KIAA1755: variants seen among roughly 807,000 people sequenced by gnomAD.
KIAA1755 encodes the protein uncharacterized protein KIAA1755.
KIAA1755 carries 68 observed loss-of-function variants against 91.7 expected under a neutral mutation model. That is an observed-to-expected ratio of 0.74 (90% CI 0.61 to 0.91). KIAA1755 has a LOEUF of 0.91. Ranked by LOEUF, KIAA1755 falls within the 40% of genes least tolerant of loss-of-function variation. The probability of loss-of-function intolerance (pLI) is 0.00; values close to 1 mark genes in which losing one functional copy is unlikely to be tolerated. For missense variants in KIAA1755, 1,535 were observed against 1,494.4 expected (o/e 1.03, Z -0.45); for synonymous variants, 610 against 604.6 (o/e 1.01, Z -0.13).
At position 38,241,446 on chromosome 20, in the gene KIAA1755, G is replaced by C; in HGVS notation, c.685C>G (p.Pro229Ala). ...QASSPDNQVL[P>A]AQSLAKGKGR... ...TTACCCTTGGCCAAACTCTGGGCAG[G>C]AAGCACCTGGTTGTCTGGGGAGCTG... The change falls in exon 3 of 14, where the codon CCT (proline) becomes GCT (alanine). Residue 229 changes from proline to alanine, a missense_variant. Coordinates refer to ENST00000279024, the MANE Select transcript of KIAA1755 (RefSeq NM_001029864.2). 4 of 1,614,248 alleles carry C rather than the reference G, an allele frequency of 2.5e-6. No individual in the cohort carries two copies. The East Asian group carries it at 8.9e-5, about 36-fold the overall frequency.
intron 1 of KIAA1755, among the ~76,000 whole-genome samples, chr20:38,256,385 A>G (rs1407389819): frequency 1.3e-5 from 2 of 152,122 alleles, no homozygotes; most frequent in Non-Finnish European, 2.9e-5. Context: ...TCCAATCATC[A>G]TGGGCCCCTT....
At position 38,225,761 on chromosome 20, in the gene KIAA1755, C is replaced by T. The variant is rs2075745992; in HGVS notation, c.2073G>A (p.Leu691=). 3 of 1,586,904 alleles carry T rather than the reference C, an allele frequency of 1.9e-6. No individual in the cohort carries two copies. Among genetic ancestry groups the T allele is most frequent in the East Asian group, 4.5e-5 (2 of 44,492 alleles). ...GGTCCACATGGTGGCTGAGGGCCTTCAATGAGGTCAGCACCTCCACCTGCA... is the reference window on the plus strand; with the variant it reads ...GGTCCACATGGTGGCTGAGGGCCTTTAATGAGGTCAGCACCTCCACCTGCA... ...PDVQVEVLTS[L]KALSHHVDPS... The change falls in exon 8 of 14, where the codon TTG becomes TTA. Residue 691 remains leucine, a synonymous_variant. Coordinates refer to ENST00000279024, the MANE Select transcript of KIAA1755 (RefSeq NM_001029864.2).
rs1239114440 is a variant in KIAA1755, at chr20:38,213,119, TG to T, written c.3525del (p.Ser1176AlafsTer27). Reference protein sequence around the residue: ...RQSQVPRLTGGSFSSEGTDSQ... With the variant: ...RQSQVPRLTGXSFSSEGTDSQ... The stretch of plus-strand genomic sequence containing the variant: ...GAGTCTGTCCCCTCTGAGGAGAAGC[TG>T]CCCCCAGTGAGGCGAGGGACCTGGC... On this transcript the variant is annotated frameshift_variant, in exon 14 of 14. Coordinates refer to ENST00000279024, the MANE Select transcript of KIAA1755 (RefSeq NM_001029864.2). LOFTEE classifies it high-confidence loss of function. 5.6e-6 allele frequency: 9 copies of T among 1,607,300 alleles called. No individual in the cohort carries two copies. The highest frequency in any genetic ancestry group is 1.3e-5 in the African/African-American group (1 of 74,822).
At chr20:38,256,740 C>G (rs956944042) in intron 1 of KIAA1755, among the ~76,000 whole-genome samples, 1 of 152,088 alleles carries the variant, frequency 6.6e-6, no homozygotes, top group African/African-American at 2.4e-5. Context: ...GAGATAGAGG[C>G]TGCAGTGAGC....
At position 38,212,987 on chromosome 20, in the gene KIAA1755, G is replaced by T; in HGVS notation, c.*55C>A. Reference sequence around the variant, plus strand: ...ACCAGAGCTCCCAGCTACCCCTCCAGCTGGGCCCTGGCCCAGTGCTCCTGG... The same window carrying T: ...ACCAGAGCTCCCAGCTACCCCTCCATCTGGGCCCTGGCCCAGTGCTCCTGG... On this transcript the variant is annotated 3_prime_UTR_variant, in exon 14 of 14. Transcript: ENST00000279024. 1 of 1,398,024 alleles carries T rather than the reference G, an allele frequency of 7.2e-7. No individual in the cohort carries two copies. The highest frequency in any genetic ancestry group is 9.7e-7 in the Non-Finnish European group (1 of 1,034,064). 86.6% of individuals were successfully genotyped at this position (1,398,024 alleles called of 1,614,324 possible). A position where few individuals can be genotyped will look rare whatever the true frequency, so the allele number is the denominator to read the frequency against.
At chr20:38,223,509 C>T (rs763432799) in intron 9 of KIAA1755, 29 bp downstream of exon 9, 1 of 1,514,574 alleles carries the variant, frequency 6.6e-7, no homozygotes, top group Admixed American at 2.2e-5. Flanking sequence ...TGTGATGTAG[C>T]TTCCCCAGTC....
intron 4 of KIAA1755, 22 bp downstream of exon 4, chr20:38,239,506 T>A: frequency 6.2e-7 from 1 of 1,611,462 alleles, no homozygotes; most frequent in Non-Finnish European, 8.5e-7. Flanking sequence ...CCCTACCACC[T>A]CCTGCTTGAA....
rs927251629 is a variant in KIAA1755, at chr20:38,225,786, A to T, written c.2053-5T>A. 11 of 1,519,372 alleles carry T rather than the reference A, an allele frequency of 7.2e-6. No homozygotes were observed. Among genetic ancestry groups the T allele is most frequent in the Non-Finnish European group, 9.7e-6 (11 of 1,131,074 alleles). The allele number at this position is 1,519,372 out of a possible 1,614,324, so 94.1% of individuals were successfully genotyped here. A position where few individuals can be genotyped will look rare whatever the true frequency, so the allele number is the denominator to read the frequency against. On this transcript the variant is annotated splice_polypyrimidine_tract_variant and splice_region_variant and intron_variant, in intron 7 of 13. Transcript: ENST00000279024. Reference sequence around the variant, plus strand: ...CAATGAGGTCAGCACCTCCACCTGCAGACCAAAGAATCAGGAGAACCAGGG... The same window carrying T: ...CAATGAGGTCAGCACCTCCACCTGCTGACCAAAGAATCAGGAGAACCAGGG...
rs780473853 is a variant in KIAA1755, at chr20:38,217,288, C to T, written c.2866G>A (p.Glu956Lys). Reference sequence around the variant, plus strand: ...AAGCGGTGCAGGTGGAGCAGCGTCTCGAGGTCCGTGCGTTGCCGCTCGGCC... The same window carrying T: ...AAGCGGTGCAGGTGGAGCAGCGTCTTGAGGTCCGTGCGTTGCCGCTCGGCC... ...MAAERQRTDL[E>K]TLLHLHRFCK... is the part of the protein sequence containing the mutation. The change falls in exon 13 of 14, where the codon GAG becomes AAG. Residue 956 changes from glutamate (E) to lysine (K), a missense_variant. Coordinates refer to ENST00000279024, the MANE Select transcript of KIAA1755 (RefSeq NM_001029864.2). The T allele has an allele frequency of 6.8e-6, 11 of 1,606,664 alleles. No individual in the cohort carries two copies. The South Asian group carries it at 7.8e-5, about 11-fold the overall frequency.
chr20:38,237,213 A>T (rs1410699756), intron 4 of KIAA1755, among the ~76,000 whole-genome samples: 1 of 151,736 alleles, frequency 6.6e-6, no homozygotes, highest in Non-Finnish European at 1.5e-5. Flanking sequence ...AAGTTGGGGA[A>T]GGTGGTGTTG....
At chr20:38,254,779 A>G (rs997015893) in intron 1 of KIAA1755, among the ~76,000 whole-genome samples, 10 of 150,478 alleles carry the variant, frequency 6.6e-5, no homozygotes, top group Admixed American at 3.3e-4. Flanking sequence ...CGAGTCCCCA[A>G]CTCCAAAAAA....
intron 13 of KIAA1755, 30 bp downstream of exon 13, chr20:38,217,223 G>T (rs772407942): frequency 3.2e-6 from 5 of 1,553,372 alleles, no homozygotes; most frequent in Middle Eastern, 1.7e-4. Context: ...GGATCGGGGG[G>T]TATCTGTGCA....
intron 1 of KIAA1755, among the ~76,000 whole-genome samples, chr20:38,251,458 A>G (rs1487449530): frequency 1.3e-5 from 2 of 152,100 alleles, no homozygotes; most frequent in Non-Finnish European, 2.9e-5. Context: ...GCAGAGGGAC[A>G]TAGAAAACTA....
intron 13 of KIAA1755, 61 bp downstream of exon 13, chr20:38,217,192 C>A: frequency 7.0e-7 from 1 of 1,435,210 alleles, no homozygotes; most frequent in East Asian, 2.4e-5. Flanking sequence ...TATCCCTGTC[C>A]CCACCATAGC....
chr20:38,242,080 A>G, intron 2 of KIAA1755, 151 bp from the exon 3 acceptor site: 1 of 780,166 alleles, frequency 1.3e-6, no homozygotes. Context: ...AAGGTTGTGC[A>G]AAGGTTGACT....
chr20:38,236,073 G>A (rs932510892), intron 4 of KIAA1755, among the ~76,000 whole-genome samples: 3 of 152,166 alleles, frequency 2.0e-5, no homozygotes, highest in Non-Finnish European at 4.4e-5. Flanking sequence ...ACTTGGGTGG[G>A]GTGAAGTCAA....
chr20:38,218,326 T>C lies in KIAA1755; in HGVS notation c.2597A>G (p.Gln866Arg). 2 of 1,614,220 alleles carry C rather than the reference T, an allele frequency of 1.2e-6. No homozygotes were observed. Among genetic ancestry groups the C allele is most frequent in the Non-Finnish European group, 1.7e-6 (2 of 1,180,030 alleles). The change falls in exon 12 of 14, where the codon CAA (glutamine) becomes CGA (arginine). Residue 866 changes from glutamine (Q) to arginine (R), a missense_variant. Physicochemically the swap from Gln to Arg is conservative, Grantham distance 43. Coordinates refer to ENST00000279024, the MANE Select transcript of KIAA1755 (RefSeq NM_001029864.2). ...WMEQEGRRCL[Q>R]SLTPKDGSLE... ...ACTTCCATCCTTGGGGGTCAGTGATTGCAGGCACCGCCTTCCTTCCTGCTC... is the reference window on the plus strand; with the variant it reads ...ACTTCCATCCTTGGGGGTCAGTGATCGCAGGCACCGCCTTCCTTCCTGCTC...
chr20:38,258,881 C>T (rs148530391), intron 1 of KIAA1755, among the ~76,000 whole-genome samples: 3 of 152,328 alleles, frequency 2.0e-5, no homozygotes, highest in Admixed American at 6.5e-5. Context: ...CAGACCAGTG[C>T]CTGACCCTTG....
In KIAA1755 at chr20:38,223,524, T is replaced by C; in HGVS notation, c.2268+14A>G. 5.8e-6 allele frequency: 9 copies of C among 1,557,530 alleles called. No individual in the cohort carries two copies. The highest frequency in any genetic ancestry group is 2.4e-5 in the South Asian group (2 of 82,468). ...TGTGATGTAGCTTCCCCAGTCACCA[T>C]GCTCCAGGCTCACCTGCATCCCCCC... On this transcript the variant is annotated intron_variant, in intron 9 of 13. Coordinates refer to ENST00000279024, the MANE Select transcript of KIAA1755 (RefSeq NM_001029864.2).
Sources: allele counts gnomAD v4.1 joint callset (sites outside exome capture counted in the v4.1 genomes callset), GRCh38; gene constraint gnomAD v4.1.1; transcripts MANE v1.5; gene names NCBI Gene and HGNC (gene_info 2026-07-23, HGNC 2026-07-21).